The following FBXL17 variants were observed in gnomAD, a reference collection of about 807,000 sequenced individuals.
FBXL17 encodes the protein F-box and leucine rich repeat protein 17, also known as F-box/LRR-repeat protein 17.
Under a neutral mutation model 66.2 loss-of-function variants are expected in FBXL17, and 22 were observed. The observed-to-expected ratio is 0.33, with a 90% CI of 0.24 to 0.47. The LOEUF is 0.47. Among genes scored for constraint, FBXL17 ranks in the 20% least tolerant of loss-of-function variants. The pLI is 1.00. For synonymous variants in FBXL17, 474 were observed against 400.5 expected (o/e 1.18, Z -2.19); for missense variants, 878 against 948.2 (o/e 0.93, Z 0.97).
At chr5:108,184,908 C>T (rs1753166083) in intron 6 of FBXL17, among the ~76,000 whole-genome samples, 1 of 151,962 alleles carries the variant, frequency 6.6e-6, no homozygotes, top group Non-Finnish European at 1.5e-5. Context: ...TTTTTGGAAA[C>T]TTATCTTTTA....
At chr5:108,276,792 C>A (rs572495368) in intron 4 of FBXL17, among the ~76,000 whole-genome samples, 1 of 152,130 alleles carries the variant, frequency 6.6e-6, no homozygotes, top group East Asian at 1.9e-4. Context: ...ATTATTCAAG[C>A]CCTTAGACAT....
intron 7 of FBXL17, among the ~76,000 whole-genome samples, chr5:107,973,820 T>C (rs564655757): frequency 7.4e-5 from 11 of 149,634 alleles, no homozygotes; most frequent in Admixed American, 1.3e-4. Flanking sequence ...TATTGGCTTA[T>C]GGTAAAGACT....
chr5:107,938,742 T>C (rs939702290), intron 7 of FBXL17, among the ~76,000 whole-genome samples: 1 of 152,180 alleles, frequency 6.6e-6, no homozygotes, highest in Non-Finnish European at 1.5e-5. Context: ...CCATATGTTA[T>C]ATTTCCATAA....
chr5:107,958,853 G>A (rs1751774146), intron 7 of FBXL17, among the ~76,000 whole-genome samples: 3 of 152,082 alleles, frequency 2.0e-5, no homozygotes, highest in Admixed American at 2.0e-4. Context: ...CTGTCATAAT[G>A]CTGAGAAGAA....
chr5:108,058,798 C>T (rs1289826315), intron 6 of FBXL17, among the ~76,000 whole-genome samples: 1 of 152,186 alleles, frequency 6.6e-6, no homozygotes, highest in East Asian at 1.9e-4. Flanking sequence ...AGCCCAATGC[C>T]TTGAGGTACT....
At chr5:108,088,691 A>C (rs1317714931) in intron 6 of FBXL17, among the ~76,000 whole-genome samples, 3 of 116,532 alleles carry the variant, frequency 2.6e-5, no homozygotes, top group Non-Finnish European at 5.0e-5. Flanking sequence ...ACAGAGCGAG[A>C]CTCTATCTCA....
chr5:108,226,986 A>C (rs539840745), intron 4 of FBXL17, among the ~76,000 whole-genome samples: 17 of 152,276 alleles, frequency 1.1e-4, no homozygotes, highest in Admixed American at 7.9e-4. Context: ...AGATTGACAA[A>C]TGGAGATCTT....
intron 4 of FBXL17, among the ~76,000 whole-genome samples, chr5:108,295,964 C>CAAAA (rs60118717): frequency 9.0e-6 from 1 of 111,670 alleles, no homozygotes; most frequent in South Asian, 2.7e-4. Context: ...TAAACAAAAC[C>CAAAA]AAAAAAAAAA....
intron 7 of FBXL17, among the ~76,000 whole-genome samples, chr5:107,943,866 G>A (rs573890567): frequency 1.2e-3 from 189 of 152,230 alleles, no homozygotes; most frequent in African/African-American, 4.0e-3. Flanking sequence ...ATCTGATCAC[G>A]TTGCTTCCAT....
In FBXL17 at chr5:107,873,040, C is replaced by A. The variant is rs574542761; in HGVS notation, c.1965+7997G>T. 4.6e-5 allele frequency among the ~76,000 whole-genome samples: 7 copies of A among 152,262 alleles called. No homozygotes were observed. The South Asian group carries it at 1.5e-3, about 32-fold the overall frequency. On this transcript the variant is annotated intron_variant, in intron 8 of 8. Transcript: ENST00000542267. Reference sequence around the variant, plus strand: ...AGGCCACTGCTGACCTTGAAAAGAGCAGCATCAGTGGCATGGTGGGGATGG... The same window carrying A: ...AGGCCACTGCTGACCTTGAAAAGAGAAGCATCAGTGGCATGGTGGGGATGG...
At chr5:107,927,538 A>T (rs568490699) in intron 7 of FBXL17, among the ~76,000 whole-genome samples, 14 of 152,116 alleles carry the variant, frequency 9.2e-5, no homozygotes, top group Non-Finnish European at 1.5e-4. Context: ...AAACCAAAAC[A>T]TATAGAAAAT....
At chr5:108,363,963 T>C (rs922688041) in intron 3 of FBXL17, among the ~76,000 whole-genome samples, 4 of 151,974 alleles carry the variant, frequency 2.6e-5, no homozygotes, top group African/African-American at 9.7e-5. Context: ...ATAGCAGAAA[T>C]GAATCAAGAA....
chr5:108,166,250 C>T (rs2150011748), intron 6 of FBXL17, among the ~76,000 whole-genome samples: 1 of 152,244 alleles, frequency 6.6e-6, no homozygotes, highest in South Asian at 2.1e-4. Context: ...ACAGCATTAG[C>T]ATTTTACCTG....
chr5:108,126,664 C>T (rs1974782), intron 6 of FBXL17, among the ~76,000 whole-genome samples: 11,216 of 106,576 alleles, frequency 0.11, 502 homozygotes, highest in Admixed American at 0.14. Context: ...TATATATATA[C>T]ATATATATAT....
chr5:108,343,492 T>C (rs1235248811), intron 4 of FBXL17, among the ~76,000 whole-genome samples: 2 of 152,134 alleles, frequency 1.3e-5, no homozygotes, highest in African/African-American at 4.8e-5. Context: ...CAAGGAGTAT[T>C]TGAGAAATAA....
At position 108,366,241 on chromosome 5, in the gene FBXL17, G is replaced by C. The variant is rs150358330; in HGVS notation, c.1117-1246C>G. Among the ~76,000 whole-genome samples the C allele has an allele frequency of 2.6e-4, 40 of 152,072 alleles. 1 individual carries two copies. In the Middle Eastern group the frequency reaches 0.01, roughly 39 times the overall value. On this transcript the variant is annotated intron_variant, in intron 2 of 8. Transcript: ENST00000542267. ...ATTCATCTGGTGAAAAACTCAGATGGCCATCTGAATTTTTGTTTTAAAACC... is the reference window on the plus strand; with the variant it reads ...ATTCATCTGGTGAAAAACTCAGATGCCCATCTGAATTTTTGTTTTAAAACC...
At chr5:107,987,669 T>A (rs1370005771) in intron 7 of FBXL17, among the ~76,000 whole-genome samples, 1 of 152,052 alleles carries the variant, frequency 6.6e-6, no homozygotes. Flanking sequence ...CTATTTTTAA[T>A]CGATGTTTAT....
chr5:108,085,038 C>CT (rs35650065), intron 6 of FBXL17, among the ~76,000 whole-genome samples: 1 of 152,208 alleles, frequency 6.6e-6, no homozygotes, highest in Admixed American at 6.5e-5. Flanking sequence ...GATTCTTTCA[C>CT]TTTTTTTCCT....
chr5:108,168,445 C>T (rs756580159), intron 6 of FBXL17, among the ~76,000 whole-genome samples: 4 of 152,120 alleles, frequency 2.6e-5, no homozygotes, highest in African/African-American at 9.7e-5. Context: ...TTTTTGTATA[C>T]TCTGAAATTT....
Sources: allele counts gnomAD v4.1 joint callset (sites outside exome capture counted in the v4.1 genomes callset), GRCh38; gene constraint gnomAD v4.1.1; transcripts MANE v1.5; gene names NCBI Gene and HGNC (gene_info 2026-07-23, HGNC 2026-07-21).